Variants in PTPN20 observed in about 807,000 individuals in gnomAD.
The protein encoded by PTPN20 is tyrosine-protein phosphatase non-receptor type 20.
A neutral mutation model predicts 35.0 loss-of-function variants in PTPN20; 9 were observed. That is an observed-to-expected ratio of 0.26 (90% CI 0.15 to 0.45). PTPN20 has a LOEUF of 0.45. Among genes scored for constraint, PTPN20 ranks in the 20% least tolerant of loss-of-function variants. PTPN20 has a pLI of 1.00. For synonymous variants in PTPN20, 32 were observed against 100.2 expected, an observed-to-expected ratio of 0.32 and a Z score of 4.06; for missense variants, 111 against 312.5, an observed-to-expected ratio of 0.36 and a Z score of 4.86.
intron 1 of PTPN20, among the ~76,000 whole-genome samples, chr10:46,923,691 A>G (rs1204440250): frequency 1.3e-5 from 2 of 151,150 alleles, no homozygotes; most frequent in African/African-American, 2.5e-5. Flanking sequence ...GCGTTTTCAT[A>G]TAGACTTCAG....
In PTPN20 at chr10:47,000,878, T is replaced by C. The variant is rs1219324913; in HGVS notation, c.*137T>C. On this transcript the variant is annotated 3_prime_UTR_variant, in exon 11 of 11. Transcript: ENST00000374339. The stretch of plus-strand genomic sequence containing the variant: ...TTGGTTTATCAGTTTATTTTCTTTC[T>C]AAAAGCTCCCTGAAGGGCAATATCA... 2.0e-5 allele frequency: 22 copies of C among 1,124,446 alleles called. No individual in the cohort carries two copies. The highest frequency in any genetic ancestry group is 2.3e-5 in the Non-Finnish European group (17 of 744,624). 69.7% of individuals were successfully genotyped at this position (1,124,446 alleles called of 1,614,324 possible).
At position 47,001,820 on chromosome 10, in the gene PTPN20, T is replaced by C. The variant is rs2060061788; in HGVS notation, c.*1079T>C. On this transcript the variant is annotated 3_prime_UTR_variant, in exon 11 of 11. Transcript: ENST00000374339. ...TGTTTTTGAAAAGATGTGGCCATTA[T>C]TACAGTAATTTTATTATAGGACTTT... The C allele has an allele frequency of 6.6e-6, 1 of 152,182 alleles. No individual in the cohort carries two copies. The highest frequency in any genetic ancestry group is 1.5e-5 in the Non-Finnish European group (1 of 68,018). 9.4% of individuals were successfully genotyped at this position (152,182 alleles called of 1,614,324 possible).
chr10:46,950,883 A>T (rs1235615968), intron 5 of PTPN20, among the ~76,000 whole-genome samples: 1 of 151,988 alleles, frequency 6.6e-6, no homozygotes, highest in African/African-American at 2.4e-5. Context: ...TAGTTTTTAA[A>T]ATTTAAACTA....
At chr10:46,929,600 T>A (rs1160499528) in intron 1 of PTPN20, among the ~76,000 whole-genome samples, 1 of 151,344 alleles carries the variant, frequency 6.6e-6, no homozygotes, top group African/African-American at 2.5e-5. Flanking sequence ...TTTCTTGCCA[T>A]GTCTCCATTG....
intron 1 of PTPN20, among the ~76,000 whole-genome samples, chr10:46,922,832 T>C (rs1477802730): frequency 7.6e-6 from 1 of 131,048 alleles, no homozygotes; most frequent in Non-Finnish European, 1.5e-5. Flanking sequence ...TTTTGGAAGG[T>C]GACTGTCTGT....
At chr10:46,958,809 A>T (rs1477735904) in intron 5 of PTPN20, among the ~76,000 whole-genome samples, 10 of 149,194 alleles carry the variant, frequency 6.7e-5, no homozygotes, top group Non-Finnish European at 6.0e-5. Flanking sequence ...TTTTAAAATT[A>T]TGTCGTTCAA....
At chr10:46,977,106 T>C (rs2053930246) in intron 7 of PTPN20, among the ~76,000 whole-genome samples, 1 of 152,274 alleles carries the variant, frequency 6.6e-6, no homozygotes, top group African/African-American at 2.4e-5. Context: ...GTAAAGCTGA[T>C]TAGCCTCCAT....
intron 2 of PTPN20, among the ~76,000 whole-genome samples, chr10:46,936,525 T>G (rs1293535878): frequency 6.6e-6 from 1 of 151,884 alleles, no homozygotes; most frequent in South Asian, 2.1e-4. Flanking sequence ...ATTCTTCTGA[T>G]GGCTCTGGGC....
chr10:46,988,784 T>A (rs1249638084), intron 9 of PTPN20, among the ~76,000 whole-genome samples: 3 of 152,296 alleles, frequency 2.0e-5, no homozygotes, highest in African/African-American at 7.2e-5. Flanking sequence ...GTTTCTTTCA[T>A]CAGTGTTTTA....
intron 1 of PTPN20, among the ~76,000 whole-genome samples, chr10:46,931,686 C>G (rs1169494101): frequency 1.4e-5 from 2 of 143,464 alleles, no homozygotes; most frequent in Non-Finnish European, 3.0e-5. Flanking sequence ...TACACCTAGT[C>G]TTAAATAATT....
At chr10:46,953,391 CTTTCTTTT>C (rs2047403778) in intron 5 of PTPN20, among the ~76,000 whole-genome samples, 1 of 118,304 alleles carries the variant, frequency 8.5e-6, no homozygotes, top group Admixed American at 8.2e-5. Flanking sequence ...TTCTTTCTTT[CTTTCTTTT>C]TTTTTGACTT....
At chr10:46,993,535 C>G (rs562970548) in intron 9 of PTPN20, among the ~76,000 whole-genome samples, 12 of 152,308 alleles carry the variant, frequency 7.9e-5, no homozygotes, top group Admixed American at 2.0e-4. Context: ...GTTTTCTGCC[C>G]AGCAGACAGC....
At chr10:46,997,134 T>C (rs1314165415) in intron 9 of PTPN20, among the ~76,000 whole-genome samples, 2 of 152,174 alleles carry the variant, frequency 1.3e-5, no homozygotes, top group African/African-American at 4.8e-5. Context: ...TTAGGTCTTT[T>C]TTGAATTCTT....
chr10:46,941,709 G>A (rs1253196325), intron 3 of PTPN20, among the ~76,000 whole-genome samples: 1 of 151,140 alleles, frequency 6.6e-6, no homozygotes, highest in Non-Finnish European at 1.5e-5. Flanking sequence ...TTGCTTGTTT[G>A]TTTGTTTGTT....
rs543864992 is a variant in PTPN20, at chr10:46,924,782, AT to A, written c.-123-7584del. ...TGCCTCTAGTCCTAGTTTTCCAAGA[AT>A]TTTTTTTTTTAAATCAAGGATGGAA... On this transcript the variant is annotated intron_variant, in intron 1 of 10. Transcript: ENST00000374339. Among the ~76,000 whole-genome samples the A allele has an allele frequency of 5.9e-3, 605 of 102,264 alleles. 123 individuals are homozygous for A. Among genetic ancestry groups the A allele is most frequent in the Middle Eastern group, 0.016 (3 of 190 alleles). The allele number at this position is 102,264 out of a possible 152,430, so 67.1% of individuals were successfully genotyped here.
chr10:46,952,870 T>TCC (rs1351912539), intron 5 of PTPN20, among the ~76,000 whole-genome samples: 1 of 150,572 alleles, frequency 6.6e-6, no homozygotes, highest in African/African-American at 2.5e-5. Context: ...AGTGTAGTAA[T>TCC]CCCCCTTTCC....
intron 9 of PTPN20, among the ~76,000 whole-genome samples, chr10:46,998,721 G>T (rs2059580352): frequency 6.6e-6 from 1 of 152,148 alleles, no homozygotes; most frequent in Non-Finnish European, 1.5e-5. Flanking sequence ...TCAGTTTCCT[G>T]GTTTTGATAT....
intron 2 of PTPN20, 23 bp downstream of exon 2, chr10:46,932,556 T>C (rs2040064338): frequency 2.5e-6 from 4 of 1,612,002 alleles, no homozygotes; most frequent in Admixed American, 3.3e-5. Context: ...TCTACTTTTG[T>C]GGGTATGGGA....
intron 5 of PTPN20, chr10:46,947,966 A>G: frequency 2.2e-6 from 1 of 453,682 alleles, no homozygotes; most frequent in Non-Finnish European, 4.4e-6. Context: ...GTAAATATCT[A>G]GGAGTGGGAT....
Sources: allele counts gnomAD v4.1 joint callset (sites outside exome capture counted in the v4.1 genomes callset), GRCh38; gene constraint gnomAD v4.1.1; transcripts MANE v1.5; gene names NCBI Gene and HGNC (gene_info 2026-07-23, HGNC 2026-07-21).